The following CPNE4 variants were observed in gnomAD, a reference collection of about 807,000 sequenced individuals.
The protein encoded by CPNE4 is copine 4.
CPNE4 carries 25 observed loss-of-function variants against 67.9 expected under a neutral mutation model. The observed-to-expected ratio is 0.37, with a 90% CI of 0.27 to 0.51. The LOEUF is 0.51. Ranked by LOEUF, CPNE4 falls within the 20% of genes least tolerant of loss-of-function variation. The pLI, the probability that CPNE4 is intolerant of heterozygous loss-of-function variation, is 0.93. For missense variants in CPNE4, 464 were observed against 690.8 expected, an observed-to-expected ratio of 0.67 and a Z score of 3.68; for synonymous variants, 242 against 244.9, an observed-to-expected ratio of 0.99 and a Z score of 0.11.
At chr3:131,865,166 CT>C (rs990287614) in intron 2 of CPNE4, among the ~76,000 whole-genome samples, 1 of 151,716 alleles carries the variant, frequency 6.6e-6, no homozygotes, top group Non-Finnish European at 1.5e-5. Flanking sequence ...CTAAAATTCC[CT>C]TTTTTTTGTT....
At chr3:131,785,214 T>C (rs1054134409) in intron 2 of CPNE4, among the ~76,000 whole-genome samples, 4 of 152,098 alleles carry the variant, frequency 2.6e-5, no homozygotes, top group African/African-American at 4.8e-5. Flanking sequence ...CTGAGTAAAC[T>C]GAGGCTTAGG....
intron 7 of CPNE4, among the ~76,000 whole-genome samples, chr3:131,646,151 T>C (rs889815642): frequency 3.9e-5 from 6 of 152,188 alleles, no homozygotes; most frequent in Non-Finnish European, 7.4e-5. Flanking sequence ...TCTAGGATAC[T>C]GAAGAGTTCT....
At chr3:131,995,765 T>C (rs150428205) in intron 1 of CPNE4, among the ~76,000 whole-genome samples, 274 of 152,330 alleles carry the variant, frequency 1.8e-3, no homozygotes, top group South Asian at 3.1e-3. Context: ...GAGCACTTAC[T>C]ACTCAAGTCT....
Position 131,823,867 on chromosome 3 carries a change from A to T in CPNE4, c.180+81397T>A, listed in dbSNP as rs567289911. Among the ~76,000 whole-genome samples, 189 of 152,336 alleles carry T rather than the reference A, an allele frequency of 1.2e-3. 1 individual carries two copies. The highest frequency in any genetic ancestry group is 4.4e-3 in the African/African-American group (183 of 41,582). ...AATGGAGCTACTAGTATGCACATTA[A>T]AACTTGTAACCAGATTGTAAGATTT... is the stretch of plus-strand genomic sequence containing the variant. On this transcript the variant is annotated intron_variant, in intron 2 of 15. Transcript: ENST00000429747.
At chr3:131,870,167 A>G (rs1356302735) in intron 2 of CPNE4, among the ~76,000 whole-genome samples, 1 of 152,192 alleles carries the variant, frequency 6.6e-6, no homozygotes, top group Admixed American at 6.5e-5. Context: ...GAATCACAAC[A>G]GGATACAATC....
chr3:131,905,235 G>A, intron 2 of CPNE4, 29 bp downstream of exon 2: 1 of 1,581,920 alleles, frequency 6.3e-7, no homozygotes, highest in Non-Finnish European at 8.6e-7. Flanking sequence ...TCCAGCCATG[G>A]TTCTGTCCAT....
At chr3:131,744,881 G>C (rs530536433) in intron 2 of CPNE4, among the ~76,000 whole-genome samples, 1 of 152,040 alleles carries the variant, frequency 6.6e-6, no homozygotes, top group South Asian at 2.1e-4. Flanking sequence ...GCAGATGGGG[G>C]GTGTTATAAA....
intron 7 of CPNE4, chr3:131,620,417 C>T: frequency 2.0e-6 from 2 of 982,590 alleles, no homozygotes; most frequent in Non-Finnish European, 2.4e-6. Context: ...GAGCCATTTT[C>T]CTTGAGCTCT....
Position 131,723,531 on chromosome 3 carries a change from C to G in CPNE4, c.275G>C (p.Arg92Pro). Reference sequence around the variant, plus strand: ...GCTGCTGATGTCATGGACTTCAAACCGCAGGCGCTGCACCTCCTCAAAGTA... The same window carrying G: ...GCTGCTGATGTCATGGACTTCAAACGGCAGGCGCTGCACCTCCTCAAAGTA... Reference protein sequence around the residue: ...DFYFEEVQRLRFEVHDISSNH... With the variant: ...DFYFEEVQRLPFEVHDISSNH... The change falls in exon 3 of 16, where the codon CGG becomes CCG. Residue 92 changes from arginine to proline, a missense_variant. Arg to Pro is a moderately radical substitution (Grantham distance 103). Transcript: ENST00000429747. 1 of 1,614,006 alleles carries G rather than the reference C, an allele frequency of 6.2e-7. No homozygotes were observed. The highest frequency in any genetic ancestry group is 8.5e-7 in the Non-Finnish European group (1 of 1,180,010).
At chr3:131,882,276 CT>C (rs1236749858) in intron 2 of CPNE4, among the ~76,000 whole-genome samples, 1 of 151,916 alleles carries the variant, frequency 6.6e-6, no homozygotes, top group Non-Finnish European at 1.5e-5. Context: ...AATTAATAAA[CT>C]TCTTAACATA....
At chr3:131,988,752 A>G (rs897374964) in intron 1 of CPNE4, among the ~76,000 whole-genome samples, 2 of 152,216 alleles carry the variant, frequency 1.3e-5, no homozygotes, top group African/African-American at 4.8e-5. Context: ...TAGTTAACAT[A>G]GTTTTCCAAA....
At chr3:131,656,212 GA>G (rs538320257) in intron 7 of CPNE4, among the ~76,000 whole-genome samples, 2 of 151,208 alleles carry the variant, frequency 1.3e-5, no homozygotes, top group African/African-American at 2.4e-5. Context: ...TAAATTTAAG[GA>G]AAAAAAATGT....
intron 2 of CPNE4, among the ~76,000 whole-genome samples, chr3:131,889,714 C>T (rs2088028762): frequency 1.3e-5 from 2 of 152,164 alleles, no homozygotes; most frequent in South Asian, 4.1e-4. Flanking sequence ...GTAATGTCAA[C>T]CAATGGCAAC....
intron 1 of CPNE4, among the ~76,000 whole-genome samples, chr3:132,010,390 C>A (rs2073726292): frequency 6.6e-6 from 1 of 151,808 alleles, no homozygotes; most frequent in African/African-American, 2.4e-5. Flanking sequence ...CCAAACGCTT[C>A]AATAATCTGA....
At chr3:131,649,710 T>C (rs2079759111) in intron 7 of CPNE4, among the ~76,000 whole-genome samples, 1 of 152,108 alleles carries the variant, frequency 6.6e-6, no homozygotes, top group Non-Finnish European at 1.5e-5. Flanking sequence ...AACGAGATCT[T>C]GTGGGCAAAG....
At chr3:131,811,042 T>C (rs1256693648) in intron 2 of CPNE4, among the ~76,000 whole-genome samples, 1 of 152,018 alleles carries the variant, frequency 6.6e-6, no homozygotes, top group Non-Finnish European at 1.5e-5. Context: ...GGAAAAGTGA[T>C]GATTAGAGGG....
intron 1 of CPNE4, among the ~76,000 whole-genome samples, chr3:132,030,230 G>A (rs2074208331): frequency 1.3e-5 from 2 of 152,212 alleles, no homozygotes; most frequent in South Asian, 4.1e-4. Flanking sequence ...TTTATGAGGG[G>A]AGTAATCAGA....
At chr3:131,785,493 C>T (rs1157669109) in intron 2 of CPNE4, among the ~76,000 whole-genome samples, 1 of 152,106 alleles carries the variant, frequency 6.6e-6, no homozygotes, top group African/African-American at 2.4e-5. Flanking sequence ...CCCCAATCTC[C>T]AGAGCTGCTA....
At chr3:132,006,938 A>C (rs2073624088) in intron 1 of CPNE4, among the ~76,000 whole-genome samples, 1 of 152,182 alleles carries the variant, frequency 6.6e-6, no homozygotes, top group Non-Finnish European at 1.5e-5. Flanking sequence ...ACAGCACATC[A>C]GAGTTGGATG....
Sources: gnomAD v4.1 joint callset for allele counts (sites outside exome capture counted in the v4.1 genomes callset) on GRCh38, gnomAD v4.1.1 for gene constraint, MANE v1.5 for transcripts, NCBI Gene and HGNC (gene_info 2026-07-23, HGNC 2026-07-21) for gene names.